The following PCNX3 variants were observed in gnomAD, a reference collection of about 807,000 sequenced individuals.
The protein encoded by PCNX3 is pecanex-like protein 3.
A neutral mutation model predicts 207.2 loss-of-function variants in PCNX3; 58 were observed. The observed-to-expected ratio is 0.28, with a 90% CI of 0.23 to 0.35. PCNX3 has a LOEUF of 0.35. Among genes scored for constraint, PCNX3 ranks in the 10% least tolerant of loss-of-function variants. The probability of loss-of-function intolerance (pLI) is 1.00; values close to 1 mark genes in which losing one functional copy is unlikely to be tolerated. For synonymous variants in PCNX3, 1,337 were observed against 1,183.5 expected (o/e 1.13, Z -2.66); for missense variants, 2,410 against 2,774.4 (o/e 0.87, Z 2.95).
intron 22 of PCNX3, 29 bp downstream of exon 22, chr11:65,627,611 A>C: frequency 1.2e-6 from 2 of 1,610,584 alleles, no homozygotes; most frequent in Non-Finnish European, 1.7e-6. Context: ...CCCAGACCCC[A>C]GGCTGTCCAA....
intron 22 of PCNX3, among the ~76,000 whole-genome samples, chr11:65,628,363 G>A (rs149097496): frequency 6.6e-6 from 1 of 152,304 alleles, no homozygotes; most frequent in Non-Finnish European, 1.5e-5. Flanking sequence ...AGCTCACAGG[G>A]TACTTGTGTG....
intron 22 of PCNX3, 130 bp downstream of exon 22, chr11:65,627,712 G>C: frequency 1.7e-6 from 2 of 1,154,646 alleles, no homozygotes; most frequent in Non-Finnish European, 2.5e-6. Flanking sequence ...GGCCTTTGCA[G>C]CAGCCTCTCA....
chr11:65,636,269 A>AC lies in PCNX3; in HGVS notation c.5562dup (p.Val1855ArgfsTer7), dbSNP rs763360634. 6.3e-6 allele frequency: 10 copies of AC among 1,598,048 alleles called. No individual in the cohort carries two copies. The highest frequency in any genetic ancestry group is 1.1e-5 in the South Asian group (1 of 89,106). Reference sequence around the variant, plus strand: ...GGTGGCCTGACCTCCCTCAGCAATAACCCCCCCGTGGCACACCCCACACCT... The same window carrying AC: ...GGTGGCCTGACCTCCCTCAGCAATAACCCCCCCCGTGGCACACCCCACACCT... On this transcript the variant is annotated frameshift_variant, in exon 33 of 35. Coordinates refer to ENST00000355703, the MANE Select transcript of PCNX3 (RefSeq NM_032223.4). LOFTEE classifies it high-confidence loss of function.
rs777314826 is a variant in PCNX3 at position 65,634,567 on chromosome 11, G to T, written c.4731G>T (p.Leu1577=). The change falls in exon 29 of 35, where the codon CTG becomes CTT. Residue 1577 remains leucine (L), a synonymous_variant. Transcript: ENST00000355703. ...TGGACCAGGATTGGAACTCCCCGCT[G>T]GTCACGCTGTGTTTTGGCCTGTGTG... ...QPVDQDWNSP[L]VTLCFGLCVL... is the part of the protein sequence containing the mutation. 3 of 1,603,152 alleles carry T rather than the reference G, an allele frequency of 1.9e-6. No individual in the cohort carries two copies. Among genetic ancestry groups the T allele is most frequent in the Non-Finnish European group, 2.5e-6 (3 of 1,177,686 alleles).
At position 65,625,531 on chromosome 11, in the gene PCNX3, G is replaced by A. The variant is rs758632815; in HGVS notation, c.3135+21G>A. 1 of 1,581,688 alleles carries A rather than the reference G, an allele frequency of 6.3e-7. No individual in the cohort carries two copies. Among genetic ancestry groups the A allele is most frequent in the Non-Finnish European group, 8.6e-7 (1 of 1,166,862 alleles). On this transcript the variant is annotated intron_variant, in intron 18 of 34. Coordinates refer to ENST00000355703, the MANE Select transcript of PCNX3 (RefSeq NM_032223.4). The surrounding 1 kb of genome is among the most constrained non-coding windows in gnomAD (Gnocchi z 5.6). ...CGGTGGTGAGGGGGCGGGGGGTGGG[G>A]GTCTGTGGGGAGGTGGTGACAGGTC... is the stretch of plus-strand genomic sequence containing the variant.
In PCNX3 at chr11:65,618,482, C is replaced by T; in HGVS notation, c.1120C>T (p.Leu374=). Residue 374 remains leucine, a synonymous_variant, in exon 6 of 35, where the codon CTG becomes TTG. Transcript: ENST00000355703. ...CATTGGAGCAGGGACGCCACCGGGC[C>T]TGGCTGAGCCGCTCCTGGTCGTGCG... ...TVIGAGTPPG[L]AEPLLVVRPK... 8 of 1,608,860 alleles carry T rather than the reference C, an allele frequency of 5.0e-6. No individual in the cohort carries two copies. Among genetic ancestry groups the T allele is most frequent in the Non-Finnish European group, 6.8e-6 (8 of 1,178,232 alleles).
Position 65,634,980 on chromosome 11 carries a change from C to G in PCNX3, c.4813C>G (p.Pro1605Ala). The G allele has an allele frequency of 6.2e-7, 1 of 1,612,782 alleles. No individual in the cohort carries two copies. Among genetic ancestry groups the G allele is most frequent in the African/African-American group, 1.3e-5 (1 of 75,032 alleles). Residue 1605 changes from proline (P) to alanine (A), a missense_variant, in exon 30 of 35, where the codon CCC becomes GCC. Transcript: ENST00000355703. ...ASHSMSASLEPFLYGLHALFK... is the reference protein window; with the variant it reads ...ASHSMSASLEAFLYGLHALFK... ...GTTTTTCCTCCCACTTAGCCTGGAG[C>G]CCTTCCTCTACGGCCTGCACGCCCT...
rs1045915573 is a variant in PCNX3 at position 65,636,968 on chromosome 11, A to G, written c.6095A>G (p.His2032Arg). ...ESPAAQPLLE[H>R]QY is the part of the protein sequence containing the mutation. ...CCGGCAGCCCAGCCCCTGCTGGAAC[A>G]CCAGTACTGAGCTACCTGGCGCCCA... The change falls in exon 35 of 35, where the codon CAC (histidine) becomes CGC (arginine). Residue 2032 changes from histidine to arginine, a missense_variant. By Grantham distance (29) the His-to-Arg change is conservative (BLOSUM62 0). Around this residue, in one of 8 missense-constraint regions of PCNX3, gnomAD observed 278 missense variants for 245.1 expected, o/e 1.13. Transcript: ENST00000355703. The G allele has an allele frequency of 6.4e-7, 1 of 1,569,642 alleles. No homozygotes were observed. Among genetic ancestry groups the G allele is most frequent in the Non-Finnish European group, 8.6e-7 (1 of 1,159,474 alleles).
Position 65,634,585 on chromosome 11 carries a change from C to A in PCNX3, c.4749C>A (p.Gly1583=). The change falls in exon 29 of 35, where the codon GGC becomes GGA. Residue 1583 remains glycine, a synonymous_variant. Transcript: ENST00000355703. The part of the protein sequence containing the change: ...WNSPLVTLCF[G]LCVLGRRALG... Reference sequence around the variant, plus strand: ...CCCCGCTGGTCACGCTGTGTTTTGGCCTGTGTGTGCTGGGCCGCCGGGCCC... The same window carrying A: ...CCCCGCTGGTCACGCTGTGTTTTGGACTGTGTGTGCTGGGCCGCCGGGCCC... 1 of 1,605,150 alleles carries A rather than the reference C, an allele frequency of 6.2e-7. No homozygotes were observed. Among genetic ancestry groups the A allele is most frequent in the East Asian group, 2.2e-5 (1 of 44,820 alleles).
Position 65,636,281 on chromosome 11 carries a change from C to T in PCNX3, c.5567C>T (p.Ala1856Val), listed in dbSNP as rs541504971. ...LTSLSNNPPV[A>V]HPTPENTAGN... ...TCCCTCAGCAATAACCCCCCCGTGGCACACCCCACACCTGAGAACACGGCA... is the reference window on the plus strand; with the variant it reads ...TCCCTCAGCAATAACCCCCCCGTGGTACACCCCACACCTGAGAACACGGCA... Residue 1856 changes from alanine to valine, a missense_variant, in exon 33 of 35, where the codon GCA becomes GTA. Around this residue, in one of 8 missense-constraint regions of PCNX3, gnomAD observed 278 missense variants for 245.1 expected, o/e 1.13. Transcript: ENST00000355703. 6.2e-7 allele frequency: 1 copy of T among 1,606,228 alleles called. No homozygotes were observed. Among genetic ancestry groups the T allele is most frequent in the Non-Finnish European group, 8.5e-7 (1 of 1,176,302 alleles).
intron 14 of PCNX3, 35 bp downstream of exon 14, chr11:65,624,401 AGT>A (rs2135437740): frequency 6.4e-7 from 1 of 1,551,246 alleles, no homozygotes; most frequent in Non-Finnish European, 8.7e-7. Context: ...GGCCCAGGAG[AGT>A]GAGTCCCCGA....
Position 65,625,792 on chromosome 11 carries a change from C to G in PCNX3, c.3228+48C>G. On this transcript the variant is annotated intron_variant, in intron 19 of 34. Coordinates refer to ENST00000355703, the MANE Select transcript of PCNX3 (RefSeq NM_032223.4). The surrounding 1 kb of genome is among the most constrained non-coding windows in gnomAD (Gnocchi z 5.6). ...CTGCCTCTCGCTGTCTTGGCGGGAG[C>G]CTGCTCAATCTGAGTGCCGTGGGCA... 2 of 1,596,712 alleles carry G rather than the reference C, an allele frequency of 1.3e-6. No homozygotes were observed. The highest frequency in any genetic ancestry group is 1.7e-6 in the Non-Finnish European group (2 of 1,172,804).
chr11:65,633,694 G>A (rs1383119464), intron 27 of PCNX3, among the ~76,000 whole-genome samples: 3 of 152,212 alleles, frequency 2.0e-5, no homozygotes, highest in South Asian at 4.1e-4. Context: ...AGCCAGAGGC[G>A]GGTGGGGGAC....
intron 29 of PCNX3, 50 bp from the exon 30 acceptor site, chr11:65,634,923 C>T: frequency 6.3e-7 from 1 of 1,580,926 alleles, no homozygotes; most frequent in Middle Eastern, 1.7e-4. Flanking sequence ...AGCCTTACCC[C>T]TGGGTCCTCG....
At chr11:65,624,719 C>T in intron 15 of PCNX3, 138 bp downstream of exon 15, 2 of 940,590 alleles carry the variant, frequency 2.1e-6, no homozygotes, top group South Asian at 3.3e-5. Flanking sequence ...GCCTTCTCCC[C>T]TCTCCTTCCC....
In PCNX3 at chr11:65,619,787, C is replaced by T; in HGVS notation, c.1863C>T (p.Ala621=). Residue 621 remains alanine, a synonymous_variant, in exon 8 of 35, where the codon GCC becomes GCT. Transcript: ENST00000355703. ...SLQEAQRGRA[A]SHSRALTLPS... is the part of the protein sequence containing the mutation. ...AGGAAGCTCAGCGGGGCCGGGCTGCCTCCCACTCCCGGGCGCTGACGCTGC... is the reference window on the plus strand; with the variant it reads ...AGGAAGCTCAGCGGGGCCGGGCTGCTTCCCACTCCCGGGCGCTGACGCTGC... The T allele has an allele frequency of 1.3e-6, 2 of 1,585,500 alleles. No individual in the cohort carries two copies. Among genetic ancestry groups the T allele is most frequent in the South Asian group, 1.1e-5 (1 of 88,412 alleles).
chr11:65,626,313 G>T, intron 20 of PCNX3: 1 of 654,170 alleles, frequency 1.5e-6, no homozygotes, highest in Admixed American at 2.1e-5. Context: ...GTGAGAAGAC[G>T]GAAGAATTAG....
intron 22 of PCNX3, 70 bp from the exon 23 acceptor site, chr11:65,628,525 G>A (rs1855492918): frequency 5.5e-6 from 8 of 1,448,852 alleles, no homozygotes; most frequent in African/African-American, 1.4e-5. Flanking sequence ...CTCTGAATGG[G>A]GCCTGGCATC....
In PCNX3 at chr11:65,634,759, G is replaced by A. The variant is rs1007196037; in HGVS notation, c.4805+118G>A. On this transcript the variant is annotated intron_variant, in intron 29 of 34. Transcript: ENST00000355703. ...AAACTGCAGTGGCCCTTCCTGTTGG[G>A]GTACCTCTTCTCCCACGGGCAGGGC... is the stretch of plus-strand genomic sequence containing the variant. 3.3e-6 allele frequency: 4 copies of A among 1,194,204 alleles called. No homozygotes were observed. In the African/African-American group the frequency reaches 4.6e-5, roughly 14 times the overall value. The allele number at this position is 1,194,204 out of a possible 1,614,324, so 74.0% of individuals were successfully genotyped here.
Sources: allele counts gnomAD v4.1 joint callset (sites outside exome capture counted in the v4.1 genomes callset), GRCh38; gene constraint gnomAD v4.1.1; regional missense constraint gnomAD v4.1.1; non-coding constraint Gnocchi (gnomAD v3.1); transcripts MANE v1.5; gene names NCBI Gene and HGNC (gene_info 2026-07-23, HGNC 2026-07-21).